The following ASAP1 variants were observed in gnomAD, a reference collection of about 807,000 sequenced individuals.
ASAP1 encodes arf-GAP with SH3 domain, ANK repeat and PH domain-containing protein 1.
In ASAP1, 43 loss-of-function variants were observed where a neutral mutation model predicts 145.2. The ratio of observed to expected loss-of-function variants is 0.30; its 90% CI spans 0.23 to 0.38. The LOEUF (loss-of-function observed/expected upper bound fraction) is 0.38, where lower values mean the gene tolerates loss of function less well. ASAP1 is among the 10% of genes least tolerant of loss of function. The pLI, the probability that ASAP1 is intolerant of heterozygous loss-of-function variation, is 1.00. For missense variants in ASAP1, 1,018 were observed against 1,355.3 expected (o/e 0.75, Z 3.91); for synonymous variants, 546 against 515.5 (o/e 1.06, Z -0.80).
In ASAP1 at chr8:130,255,650, T is replaced by C. The variant is rs73427362; in HGVS notation, c.187-18656A>G. 3.0e-3 allele frequency among the ~76,000 whole-genome samples: 458 copies of C among 152,308 alleles called. 2 individuals are homozygous for C. The highest frequency in any genetic ancestry group is 0.01 in the African/African-American group (427 of 41,574). On this transcript the variant is annotated intron_variant, in intron 3 of 29. Transcript: ENST00000518721. ...GTCAAATAACAAAAAGTTGCTTTTATGAAAAATAATTTTAAGTTGTGTGTG... is the reference window on the plus strand; with the variant it reads ...GTCAAATAACAAAAAGTTGCTTTTACGAAAAATAATTTTAAGTTGTGTGTG...
chr8:130,117,044 A>G, intron 20 of ASAP1, 49 bp from the exon 21 acceptor site: 1 of 1,348,004 alleles, frequency 7.4e-7, no homozygotes, highest in Non-Finnish European at 1.0e-6. Context: ...TTTATAACTT[A>G]AAACTATAGA....
chr8:130,303,983 A>T (rs1174532978), intron 3 of ASAP1, among the ~76,000 whole-genome samples: 1 of 152,198 alleles, frequency 6.6e-6, no homozygotes, highest in African/African-American at 2.4e-5. Context: ...CTAATGTAAG[A>T]TGTTATTACC....
At chr8:130,295,816 GAGATATC>G (rs1822236777) in intron 3 of ASAP1, among the ~76,000 whole-genome samples, 1 of 152,084 alleles carries the variant, frequency 6.6e-6, no homozygotes, top group Non-Finnish European at 1.5e-5. Flanking sequence ...AGGATTCATG[GAGATATC>G]AGAAATCTTT....
intron 24 of ASAP1, among the ~76,000 whole-genome samples, chr8:130,100,069 G>C (rs1010620211): frequency 6.6e-6 from 1 of 152,084 alleles, no homozygotes; most frequent in Non-Finnish European, 1.5e-5. Context: ...GCTATTTTCA[G>C]TTTTGTGAGA....
Position 130,116,655 on chromosome 8 carries a change from C to T in ASAP1, c.2064+23G>A, listed in dbSNP as rs1224821551. The T allele has an allele frequency of 5.0e-6, 8 of 1,605,902 alleles. No homozygotes were observed. The East Asian group carries it at 1.6e-4, about 31-fold the overall frequency. ...TTAAGGCAGCCAATGTCTAATAAAT[C>T]TCCCACGTCCATTTTTGCTTACCAG... On this transcript the variant is annotated intron_variant, in intron 22 of 29. Coordinates refer to ENST00000518721, the MANE Select transcript of ASAP1 (RefSeq NM_018482.4).
chr8:130,261,520 G>A (rs1819896540), intron 3 of ASAP1, among the ~76,000 whole-genome samples: 1 of 152,196 alleles, frequency 6.6e-6, no homozygotes, highest in African/African-American at 2.4e-5. Context: ...GAGTGAGCAA[G>A]TGGCTTGGGG....
intron 3 of ASAP1, among the ~76,000 whole-genome samples, chr8:130,244,109 T>C (rs1169183553): frequency 1.3e-5 from 2 of 152,182 alleles, no homozygotes; most frequent in Non-Finnish European, 2.9e-5. Flanking sequence ...GATCACCCTG[T>C]TGTAATCTTC....
At chr8:130,416,424 C>A (rs1336825188) in intron 1 of ASAP1, among the ~76,000 whole-genome samples, 1 of 152,236 alleles carries the variant, frequency 6.6e-6, no homozygotes, top group Non-Finnish European at 1.5e-5. Flanking sequence ...CATGCCAAGA[C>A]TTTCTGGGCA....
At chr8:130,068,915 C>T (rs1446281212) in intron 27 of ASAP1, among the ~76,000 whole-genome samples, 1 of 152,158 alleles carries the variant, frequency 6.6e-6, no homozygotes, top group Non-Finnish European at 1.5e-5. Flanking sequence ...TGATATTACT[C>T]CTACAGAAAT....
intron 3 of ASAP1, among the ~76,000 whole-genome samples, chr8:130,328,655 G>C (rs1824494194): frequency 6.6e-6 from 1 of 150,914 alleles, no homozygotes; most frequent in South Asian, 2.1e-4. Flanking sequence ...CTGTCACACA[G>C]GTTGGAGTGC....
At chr8:130,140,633 C>T (rs775093301) in intron 13 of ASAP1, among the ~76,000 whole-genome samples, 1 of 152,108 alleles carries the variant, frequency 6.6e-6, no homozygotes, top group Non-Finnish European at 1.5e-5. Context: ...GTGGTGATGA[C>T]GTTATGATGT....
chr8:130,175,670 A>G (rs1473001095), intron 9 of ASAP1, among the ~76,000 whole-genome samples: 1 of 152,152 alleles, frequency 6.6e-6, no homozygotes, highest in Non-Finnish European at 1.5e-5. Context: ...TTTGAAGTCC[A>G]ATTTATATTT....
chr8:130,247,462 C>A (rs1430030248), intron 3 of ASAP1, among the ~76,000 whole-genome samples: 2 of 152,098 alleles, frequency 1.3e-5, no homozygotes, highest in African/African-American at 4.8e-5. Flanking sequence ...GGTCTATATT[C>A]ATAACCATGT....
chr8:130,149,710 G>A (rs535497954), intron 13 of ASAP1, among the ~76,000 whole-genome samples: 7 of 152,282 alleles, frequency 4.6e-5, no homozygotes, highest in Non-Finnish European at 8.8e-5. Context: ...AGCCCTTTAT[G>A]TTTTTCTCAG....
chr8:130,115,828 G>A, intron 22 of ASAP1, 93 bp from the exon 23 acceptor site: 1 of 908,584 alleles, frequency 1.1e-6, no homozygotes, highest in Non-Finnish European at 1.8e-6. Context: ...CTTATTCCTA[G>A]TTTTCAATGA....
chr8:130,418,797 C>A (rs1269987575), intron 1 of ASAP1, among the ~76,000 whole-genome samples: 1 of 147,834 alleles, frequency 6.8e-6, no homozygotes, highest in Admixed American at 6.7e-5. Flanking sequence ...TTTAATTATT[C>A]TTTCTTTTGT....
At chr8:130,163,089 T>A in intron 11 of ASAP1, 1 of 167,790 alleles carries the variant, frequency 6.0e-6, no homozygotes, top group South Asian at 1.6e-4. Flanking sequence ...TCTCAAGCCT[T>A]TCACGCCTTT....
rs564863687 is a variant in ASAP1 at position 130,190,664 on chromosome 8, T to C, written c.406-2481A>G. Among the ~76,000 whole-genome samples the C allele has an allele frequency of 2.0e-5, 3 of 152,278 alleles. No homozygotes were observed. In the East Asian group the frequency reaches 5.8e-4, roughly 29 times the overall value. ...TCCTGAATAGCTGGGATCACAGGCA[T>C]GCATCACTACGTCCGGCCAATTCTT... is the stretch of plus-strand genomic sequence containing the variant. On this transcript the variant is annotated intron_variant, in intron 5 of 29. Coordinates refer to ENST00000518721, the MANE Select transcript of ASAP1 (RefSeq NM_018482.4).
chr8:130,161,194 CT>C (rs561768951), intron 11 of ASAP1, among the ~76,000 whole-genome samples: 59 of 146,634 alleles, frequency 4.0e-4, no homozygotes, highest in South Asian at 8.7e-4. Context: ...TGTAGCAGGA[CT>C]TTTTTTTTTT....
Sources: allele counts gnomAD v4.1 joint callset (sites outside exome capture counted in the v4.1 genomes callset), GRCh38; gene constraint gnomAD v4.1.1; transcripts MANE v1.5; gene names NCBI Gene and HGNC (gene_info 2026-07-23, HGNC 2026-07-21).